Variants in CFAP58 observed in about 807,000 individuals in gnomAD.
The protein encoded by CFAP58 is cilia and flagella associated protein 58.
A neutral mutation model predicts 119.5 loss-of-function variants in CFAP58; 88 were observed. The ratio of observed to expected loss-of-function variants is 0.74; its 90% CI spans 0.62 to 0.88. The LOEUF (loss-of-function observed/expected upper bound fraction) is 0.88, where lower values mean the gene tolerates loss of function less well. CFAP58 is among the 40% of genes least tolerant of loss of function. The pLI is 0.00. For synonymous variants in CFAP58, 365 were observed against 366.3 expected, an observed-to-expected ratio of 1.00 and a Z score of 0.04; for missense variants, 990 against 1,021.2, an observed-to-expected ratio of 0.97 and a Z score of 0.42.
chr10:104,374,284 A>C (rs2133002188), intron 7 of CFAP58, among the ~76,000 whole-genome samples: 1 of 151,038 alleles, frequency 6.6e-6, no homozygotes, highest in Non-Finnish European at 1.5e-5. Flanking sequence ...ATATGGCAAA[A>C]CCCCATCTCT....
intron 9 of CFAP58, among the ~76,000 whole-genome samples, chr10:104,387,705 C>T (rs2011951961): frequency 6.6e-6 from 1 of 152,140 alleles, no homozygotes; most frequent in African/African-American, 2.4e-5. Flanking sequence ...TTTACATGTT[C>T]TAGATAAAAC....
Position 104,358,512 on chromosome 10 carries a change from A to G in CFAP58, c.181A>G (p.Met61Val). ...GTCTTATGACAATGAAAAGCGTCTG[A>G]TGGCCAAATGCAGAGAGCTAAATGC... ...KKSYDNEKRLMAKCRELNAEI... is the reference protein window; with the variant it reads ...KKSYDNEKRLVAKCRELNAEI... Residue 61 changes from methionine to valine, a missense_variant, in exon 2 of 18, where the codon ATG becomes GTG. Coordinates refer to ENST00000369704, the MANE Select transcript of CFAP58 (RefSeq NM_001008723.2). 6.2e-7 allele frequency: 1 copy of G among 1,614,146 alleles called. No homozygotes were observed. Among genetic ancestry groups the G allele is most frequent in the Non-Finnish European group, 8.5e-7 (1 of 1,180,024 alleles).
At chr10:104,398,582 G>A (rs2012204677) in intron 11 of CFAP58, among the ~76,000 whole-genome samples, 1 of 152,170 alleles carries the variant, frequency 6.6e-6, no homozygotes, top group Non-Finnish European at 1.5e-5. Context: ...TAATTCCTGT[G>A]ATTTTCATAT....
chr10:104,406,679 C>G lies in CFAP58; in HGVS notation c.2152-10C>G. 1 of 1,612,658 alleles carries G rather than the reference C, an allele frequency of 6.2e-7. No individual in the cohort carries two copies. The highest frequency in any genetic ancestry group is 8.5e-7 in the Non-Finnish European group (1 of 1,178,750). On this transcript the variant is annotated splice_polypyrimidine_tract_variant and intron_variant, in intron 14 of 17. Transcript: ENST00000369704. ...ATATCTCAGCTGCTATTGTTGTTCC[C>G]CTTGGACAGGCCAGCGACCCCAATG... is the stretch of plus-strand genomic sequence containing the variant.
chr10:104,379,815 C>T (rs186056708), intron 8 of CFAP58, among the ~76,000 whole-genome samples: 187 of 152,280 alleles, frequency 1.2e-3, no homozygotes, highest in Admixed American at 2.9e-3. Flanking sequence ...TTCTTAGGGG[C>T]GTTGTGGTTG....
At chr10:104,369,501 C>G (rs1193793758) in intron 6 of CFAP58, among the ~76,000 whole-genome samples, 1 of 152,104 alleles carries the variant, frequency 6.6e-6, no homozygotes, top group Non-Finnish European at 1.5e-5. Flanking sequence ...GAGGGTCTGA[C>G]GCTGAAAAAC....
chr10:104,387,651 G>A (rs1293492658), intron 9 of CFAP58, among the ~76,000 whole-genome samples: 1 of 152,162 alleles, frequency 6.6e-6, no homozygotes, highest in Non-Finnish European at 1.5e-5. Flanking sequence ...CATGAGAAAT[G>A]GCATGGTAAG....
At chr10:104,422,220 A>G (rs2012671391) in intron 15 of CFAP58, among the ~76,000 whole-genome samples, 1 of 152,214 alleles carries the variant, frequency 6.6e-6, no homozygotes, top group African/African-American at 2.4e-5. Context: ...ATTTTAGAAG[A>G]GCCTCTAAAG....
chr10:104,359,116 T>C (rs1043112291), intron 2 of CFAP58, among the ~76,000 whole-genome samples: 1 of 152,214 alleles, frequency 6.6e-6, no homozygotes, highest in Non-Finnish European at 1.5e-5. Context: ...AGAGCAGAGA[T>C]TCAGTCTGGG....
chr10:104,454,399 A>C, intron 17 of CFAP58, 23 bp from the exon 18 acceptor site: 1 of 1,574,536 alleles, frequency 6.4e-7, no homozygotes, highest in South Asian at 1.1e-5. Flanking sequence ...TAAGGAAGCT[A>C]ACTTTCACCT....
chr10:104,408,583 C>T (rs1232991321), intron 15 of CFAP58, among the ~76,000 whole-genome samples: 1 of 152,226 alleles, frequency 6.6e-6, no homozygotes, highest in Non-Finnish European at 1.5e-5. Context: ...TCTGTTATCA[C>T]CACTTTGTTA....
Position 104,392,394 on chromosome 10 carries a change from G to A in CFAP58, c.1527G>A (p.Gln509=), listed in dbSNP as rs1434731550. ...NLYSKNLVEA[Q]DEITDMKRKL... ...ATAGCAAAAATCTGGTTGAGGCTCAGGTAAATAATATATTTATATCCTTAC... is the reference window on the plus strand; with the variant it reads ...ATAGCAAAAATCTGGTTGAGGCTCAAGTAAATAATATATTTATATCCTTAC... Residue 509 remains glutamine, a splice_region_variant and synonymous_variant, in exon 10 of 18, where the codon CAG becomes CAA. Coordinates refer to ENST00000369704, the MANE Select transcript of CFAP58 (RefSeq NM_001008723.2). 2 of 1,564,776 alleles carry A rather than the reference G, an allele frequency of 1.3e-6. No homozygotes were observed. Among genetic ancestry groups the A allele is most frequent in the Non-Finnish European group, 1.7e-6 (2 of 1,155,614 alleles).
chr10:104,385,036 TC>T (rs1197656217), intron 9 of CFAP58, among the ~76,000 whole-genome samples: 1 of 152,090 alleles, frequency 6.6e-6, no homozygotes, highest in Non-Finnish European at 1.5e-5. Flanking sequence ...TCCTCAAACC[TC>T]CGGTGGCAAA....
At chr10:104,404,104 A>G (rs528443329) in intron 14 of CFAP58, among the ~76,000 whole-genome samples, 21 of 152,314 alleles carry the variant, frequency 1.4e-4, no homozygotes, top group Admixed American at 1.2e-3. Context: ...ACCAATTGAC[A>G]TTTATTTTTC....
chr10:104,379,758 T>G (rs879527209), intron 8 of CFAP58, among the ~76,000 whole-genome samples: 1 of 152,226 alleles, frequency 6.6e-6, no homozygotes, highest in Admixed American at 6.5e-5. Flanking sequence ...AGCTTAACTC[T>G]TCAGTCTCAG....
intron 16 of CFAP58, among the ~76,000 whole-genome samples, chr10:104,449,139 A>G (rs551038512): frequency 1.3e-5 from 2 of 150,896 alleles, no homozygotes; most frequent in East Asian, 3.9e-4. Context: ...CTTTGTTTCT[A>G]AAAGTTTAAC....
At chr10:104,425,723 C>G (rs912264158) in intron 15 of CFAP58, among the ~76,000 whole-genome samples, 1 of 152,150 alleles carries the variant, frequency 6.6e-6, no homozygotes, top group Non-Finnish European at 1.5e-5. Flanking sequence ...CTCCTGTGTC[C>G]TAGCTGAGGT....
chr10:104,447,655 G>A, intron 15 of CFAP58, 43 bp from the exon 16 acceptor site: 1 of 1,606,392 alleles, frequency 6.2e-7, no homozygotes, highest in Admixed American at 1.7e-5. Context: ...TCCCTGTTTT[G>A]ACGGGGCTGT....
In CFAP58 at chr10:104,399,403, A is replaced by G; in HGVS notation, c.1718A>G (p.His573Arg). The G allele has an allele frequency of 1.9e-6, 3 of 1,613,840 alleles. No individual in the cohort carries two copies. The highest frequency in any genetic ancestry group is 1.7e-6 in the Non-Finnish European group (2 of 1,179,800). Residue 573 changes from histidine (H) to arginine (R), a missense_variant, in exon 12 of 18, where the codon CAC becomes CGC. Physicochemically the swap from His to Arg is conservative, Grantham distance 29 (BLOSUM62 0). Coordinates refer to ENST00000369704, the MANE Select transcript of CFAP58 (RefSeq NM_001008723.2). ...KLRQQALETK[H>R]FIEKQEAEER... ...AGACAACAAGCCCTGGAGACAAAAC[A>G]CTTTATTGAAAAGCAAGAAGCTGAA...
Sources: gnomAD v4.1 joint callset for allele counts (sites outside exome capture counted in the v4.1 genomes callset) on GRCh38, gnomAD v4.1.1 for gene constraint, MANE v1.5 for transcripts, NCBI Gene and HGNC (gene_info 2026-07-23, HGNC 2026-07-21) for gene names.